The following SPAG16 variants were observed in gnomAD, a reference collection of about 807,000 sequenced individuals.
SPAG16 encodes the protein sperm-associated antigen 16 protein.
Under a neutral mutation model 80.4 loss-of-function variants are expected in SPAG16, and 86 were observed. That is an observed-to-expected ratio of 1.07 (90% CI 0.90 to 1.28). The LOEUF (loss-of-function observed/expected upper bound fraction) is 1.28, where lower values mean the gene tolerates loss of function less well. Among genes scored for constraint, SPAG16 ranks in the 50% most tolerant of loss-of-function variants. The pLI is 0.00. For missense variants in SPAG16, 870 were observed against 765.3 expected (o/e 1.14, Z -1.61); for synonymous variants, 294 against 265.9 (o/e 1.11, Z -1.03).
At chr2:213,333,188 A>G (rs1439809459) in intron 5 of SPAG16, among the ~76,000 whole-genome samples, 1 of 152,172 alleles carries the variant, frequency 6.6e-6, no homozygotes, top group African/African-American at 2.4e-5. Flanking sequence ...AACATACAAA[A>G]ATCAGTAGCA....
chr2:214,344,557 A>AT (rs1243937874), intron 15 of SPAG16, among the ~76,000 whole-genome samples: 34 of 152,248 alleles, frequency 2.2e-4, no homozygotes, highest in African/African-American at 7.9e-4. Context: ...CGTTTCTATA[A>AT]TTTTTTAAAA....
chr2:214,015,841 A>AT (rs895349754), intron 13 of SPAG16, among the ~76,000 whole-genome samples: 181 of 152,222 alleles, frequency 1.2e-3, no homozygotes, highest in African/African-American at 4.3e-3. Context: ...TTAGAAGATG[A>AT]TTTTGATAAG....
At chr2:213,960,635 CT>C (rs2044365424) in intron 12 of SPAG16, among the ~76,000 whole-genome samples, 1 of 152,180 alleles carries the variant, frequency 6.6e-6, no homozygotes, top group Non-Finnish European at 1.5e-5. Context: ...TTTAAGGTCT[CT>C]TCTGGTCTGT....
In SPAG16 at chr2:214,410,166, A is replaced by T. The variant is rs754570749; in HGVS notation, c.1747A>T (p.Asn583Tyr). The T allele has an allele frequency of 6.2e-7, 1 of 1,613,850 alleles. No homozygotes were observed. The highest frequency in any genetic ancestry group is 2.2e-5 in the East Asian group (1 of 44,868). The change falls in exon 16 of 16, where the codon AAT (asparagine) becomes TAT (tyrosine). Residue 583 changes from asparagine (N) to tyrosine (Y), a missense_variant. Transcript: ENST00000331683. Reference protein sequence around the residue: ...SGRVLAQASGNGVIHLLDLKS... With the variant: ...SGRVLAQASGYGVIHLLDLKS... The stretch of plus-strand genomic sequence containing the variant: ...TCGAGTTTTAGCTCAGGCAAGTGGC[A>T]ATGGTGTTATCCATTTGCTAGATCT...
chr2:213,641,346 C>T (rs1484427103), intron 10 of SPAG16, among the ~76,000 whole-genome samples: 1 of 152,210 alleles, frequency 6.6e-6, no homozygotes, highest in Non-Finnish European at 1.5e-5. Context: ...CACAGGGCTA[C>T]AAGACTCCCT....
chr2:214,045,582 G>T (rs1245792056), intron 13 of SPAG16, among the ~76,000 whole-genome samples: 1 of 152,132 alleles, frequency 6.6e-6, no homozygotes, highest in Non-Finnish European at 1.5e-5. Context: ...CACCAAGCAG[G>T]CTGTCCTGAA....
intron 10 of SPAG16, among the ~76,000 whole-genome samples, chr2:213,533,867 C>T (rs1219931789): frequency 6.6e-6 from 1 of 152,068 alleles, no homozygotes; most frequent in East Asian, 1.9e-4. Context: ...ATGCTAGAAT[C>T]ATGCAGTTTA....
intron 10 of SPAG16, among the ~76,000 whole-genome samples, chr2:213,809,455 G>A (rs916219347): frequency 2.0e-5 from 3 of 152,088 alleles, no homozygotes; most frequent in African/African-American, 7.2e-5. Flanking sequence ...AGATATTTCT[G>A]CTAATAACAC....
Position 214,216,950 on chromosome 2 carries a change from A to G in SPAG16, c.1720+67684A>G, listed in dbSNP as rs139102900. 4.3e-3 allele frequency among the ~76,000 whole-genome samples: 660 copies of G among 152,350 alleles called. 7 individuals are homozygous for G. Among genetic ancestry groups the G allele is most frequent in the African/African-American group, 0.014 (593 of 41,584 alleles). On this transcript the variant is annotated intron_variant, in intron 15 of 15. Transcript: ENST00000331683. ...GCACAAGATATTAATATATAAAACT[A>G]TGATTAAGATAACATTAAATTATAA...
At chr2:214,317,836 T>C (rs1340928704) in intron 15 of SPAG16, among the ~76,000 whole-genome samples, 1 of 152,170 alleles carries the variant, frequency 6.6e-6, no homozygotes, top group Non-Finnish European at 1.5e-5. Context: ...TACAGCTCAT[T>C]AGTCAGAACT....
At chr2:213,563,963 T>C (rs1371570994) in intron 10 of SPAG16, among the ~76,000 whole-genome samples, 1 of 152,170 alleles carries the variant, frequency 6.6e-6, no homozygotes, top group African/African-American at 2.4e-5. Flanking sequence ...CTGCTCCCCC[T>C]ACCTGCCCAT....
In SPAG16 at chr2:213,895,142, A is replaced by G. The variant is rs2076947158; in HGVS notation, c.1214+32514A>G. 2.6e-5 allele frequency among the ~76,000 whole-genome samples: 4 copies of G among 152,086 alleles called. No individual in the cohort carries two copies. The Middle Eastern group carries it at 0.014, about 517-fold the overall frequency. On this transcript the variant is annotated intron_variant, in intron 11 of 15. Transcript: ENST00000331683. ...ACACTGACAGTGAAGAATCTAAAAA[A>G]GAAATCAAGAATTCAATTCCATTAA...
intron 12 of SPAG16, among the ~76,000 whole-genome samples, chr2:213,951,810 G>A (rs759989099): frequency 6.6e-6 from 1 of 152,072 alleles, no homozygotes; most frequent in Non-Finnish European, 1.5e-5. Flanking sequence ...AAATAGCCAA[G>A]CAAAAGACAT....
intron 11 of SPAG16, among the ~76,000 whole-genome samples, chr2:213,900,667 T>G (rs936781535): frequency 2.0e-5 from 3 of 152,160 alleles, no homozygotes; most frequent in Non-Finnish European, 4.4e-5. Context: ...AATTGTTCTG[T>G]TACTCTTCTC....
chr2:214,402,169 A>G (rs963336221), intron 15 of SPAG16, among the ~76,000 whole-genome samples: 1 of 152,024 alleles, frequency 6.6e-6, no homozygotes, highest in African/African-American at 2.4e-5. Context: ...TTCTGTCAAC[A>G]TTATTTAATA....
chr2:213,843,318 A>G (rs1438228086), intron 10 of SPAG16, among the ~76,000 whole-genome samples: 5 of 152,172 alleles, frequency 3.3e-5, no homozygotes, highest in Admixed American at 1.3e-4. Flanking sequence ...TCATGAAGCC[A>G]GTCATACAGA....
At chr2:214,261,799 A>T (rs1691201028) in intron 15 of SPAG16, among the ~76,000 whole-genome samples, 1 of 152,116 alleles carries the variant, frequency 6.6e-6, no homozygotes, top group Non-Finnish European at 1.5e-5. Context: ...TTGTATTCTA[A>T]CTTGTCTCAT....
At chr2:214,060,758 A>T (rs2050219897) in intron 13 of SPAG16, among the ~76,000 whole-genome samples, 1 of 152,192 alleles carries the variant, frequency 6.6e-6, no homozygotes, top group Non-Finnish European at 1.5e-5. Flanking sequence ...TGGGAGTGGG[A>T]CAGAGAGTTG....
intron 13 of SPAG16, among the ~76,000 whole-genome samples, chr2:214,027,772 G>A (rs2048210257): frequency 1.3e-5 from 2 of 151,802 alleles, no homozygotes; most frequent in African/African-American, 4.8e-5. Context: ...TTCTATATCT[G>A]TAATTCATAT....
Sources: allele counts gnomAD v4.1 joint callset (sites outside exome capture counted in the v4.1 genomes callset), GRCh38; gene constraint gnomAD v4.1.1; transcripts MANE v1.5; gene names NCBI Gene and HGNC (gene_info 2026-07-23, HGNC 2026-07-21).